The following PTPRQ variants were observed in gnomAD, a reference collection of about 807,000 sequenced individuals.
The protein encoded by PTPRQ is protein tyrosine phosphatase receptor type Q.
In PTPRQ, 199 loss-of-function variants were observed where a neutral mutation model predicts 246.0. The observed-to-expected ratio is 0.81, with a 90% CI of 0.72 to 0.91. PTPRQ has a LOEUF of 0.91. Among genes scored for constraint, PTPRQ ranks in the 40% least tolerant of loss-of-function variants. The pLI, the probability that PTPRQ is intolerant of heterozygous loss-of-function variation, is 0.00. For synonymous variants in PTPRQ, 869 were observed against 853.2 expected (o/e 1.02, Z -0.32); for missense variants, 2,624 against 2,528.4 (o/e 1.04, Z -0.81).
At chr12:80,565,490 C>T (rs1224340523) in intron 25 of PTPRQ, among the ~76,000 whole-genome samples, 1 of 152,146 alleles carries the variant, frequency 6.6e-6, no homozygotes, top group Non-Finnish European at 1.5e-5. Flanking sequence ...AACCTCCTCC[C>T]CTATTTTTTT....
intron 8 of PTPRQ, among the ~76,000 whole-genome samples, chr12:80,477,787 G>C (rs1321277897): frequency 6.6e-6 from 1 of 152,106 alleles, no homozygotes; most frequent in East Asian, 1.9e-4. Flanking sequence ...CTGGAAAATC[G>C]GGTCACTCCG....
In PTPRQ at chr12:80,540,029, T is replaced by C. The variant is rs1043456777; in HGVS notation, c.3154+85T>C. Reference sequence around the variant, plus strand: ...AAATTTTACTATTTGTTTGAATTTGTAATAACATCTTTTATTTAGACACGT... The same window carrying C: ...AAATTTTACTATTTGTTTGAATTTGCAATAACATCTTTTATTTAGACACGT... On this transcript the variant is annotated intron_variant, in intron 20 of 44. Transcript: ENST00000644991. The C allele has an allele frequency of 5.2e-6, 6 of 1,157,526 alleles. No individual in the cohort carries two copies. In the African/African-American group the frequency reaches 8.1e-5, roughly 16 times the overall value. The allele number at this position is 1,157,526 out of a possible 1,614,324, so 71.7% of individuals were successfully genotyped here.
intron 43 of PTPRQ, among the ~76,000 whole-genome samples, chr12:80,674,178 G>A (rs1729510596): frequency 1.3e-5 from 2 of 152,086 alleles, no homozygotes; most frequent in Non-Finnish European, 2.9e-5. Flanking sequence ...ATTGGAATTT[G>A]TATGTTACAC....
At chr12:80,644,103 G>A (rs1257648655) in intron 35 of PTPRQ, among the ~76,000 whole-genome samples, 1 of 152,116 alleles carries the variant, frequency 6.6e-6, no homozygotes, top group Non-Finnish European at 1.5e-5. Context: ...AATTGACCTT[G>A]AGGGAAAGCT....
At chr12:80,629,369 A>G (rs1314352367) in intron 33 of PTPRQ, among the ~76,000 whole-genome samples, 4 of 152,190 alleles carry the variant, frequency 2.6e-5, no homozygotes, top group Non-Finnish European at 5.9e-5. Context: ...TATTCAGCCC[A>G]TAATATATGA....
At chr12:80,666,648 A>T (rs1900795737) in intron 39 of PTPRQ, among the ~76,000 whole-genome samples, 1 of 152,080 alleles carries the variant, frequency 6.6e-6, no homozygotes, top group East Asian at 1.9e-4. Flanking sequence ...GCATACATGT[A>T]TGAAAATTTT....
intron 37 of PTPRQ, among the ~76,000 whole-genome samples, chr12:80,651,998 C>T (rs1384044062): frequency 6.6e-6 from 1 of 151,944 alleles, no homozygotes; most frequent in Non-Finnish European, 1.5e-5. Context: ...TGTTAAAACA[C>T]ATATTTTTAG....
intron 20 of PTPRQ, among the ~76,000 whole-genome samples, chr12:80,540,586 G>T (rs1209528636): frequency 6.6e-6 from 1 of 152,022 alleles, no homozygotes; most frequent in Non-Finnish European, 1.5e-5. Flanking sequence ...TTATTGAGAA[G>T]TGGCAGTGAC....
intron 25 of PTPRQ, among the ~76,000 whole-genome samples, chr12:80,580,300 T>A (rs78273837): frequency 0.014 from 2,178 of 152,288 alleles, 29 homozygotes; most frequent in South Asian, 0.034. Context: ...GTGAATACCT[T>A]GGCAGTTAAT....
chr12:80,541,756 C>A lies in PTPRQ; in HGVS notation c.3356C>A (p.Thr1119Asn). Residue 1119 changes from threonine to asparagine, a missense_variant, in exon 21 of 45, where the codon ACT becomes AAT. Physicochemically the swap from Thr to Asn is moderately conservative, Grantham distance 65. Transcript: ENST00000644991. ...SIYFDNLEKY[T>N]DYILKITPST... ...TATTTTGATAATCTGGAAAAATACA[C>A]TGATTATATATTAAAAATTACTCCA... The A allele has an allele frequency of 6.4e-7, 1 of 1,551,110 alleles. No individual in the cohort carries two copies. Among genetic ancestry groups the A allele is most frequent in the Non-Finnish European group, 8.7e-7 (1 of 1,146,594 alleles).
At chr12:80,477,496 T>C (rs1893851079) in intron 8 of PTPRQ, among the ~76,000 whole-genome samples, 1 of 152,230 alleles carries the variant, frequency 6.6e-6, no homozygotes, top group Non-Finnish European at 1.5e-5. Context: ...TGCTCCTTAC[T>C]TACATTTCGA....
intron 16 of PTPRQ, among the ~76,000 whole-genome samples, chr12:80,509,582 A>T (rs1012493615): frequency 1.3e-5 from 2 of 152,112 alleles, no homozygotes; most frequent in Non-Finnish European, 2.9e-5. Context: ...GCAGCTGAGA[A>T]ATGTCATTCT....
At chr12:80,497,330 A>G (rs1418047536) in intron 14 of PTPRQ, among the ~76,000 whole-genome samples, 1 of 151,972 alleles carries the variant, frequency 6.6e-6, no homozygotes, top group Non-Finnish European at 1.5e-5. Context: ...AGCACACAAC[A>G]TAGATCCCTT....
intron 35 of PTPRQ, among the ~76,000 whole-genome samples, chr12:80,645,158 C>T (rs73150793): frequency 0.049 from 7,509 of 152,086 alleles, 252 homozygotes; most frequent in Middle Eastern, 0.092. Flanking sequence ...TTCCACCTCT[C>T]TTTTTCTTAA....
intron 43 of PTPRQ, among the ~76,000 whole-genome samples, chr12:80,674,216 G>T (rs1013797894): frequency 6.6e-6 from 1 of 152,044 alleles, no homozygotes; most frequent in Non-Finnish European, 1.5e-5. Context: ...CAGTAAATAC[G>T]CAGGCCTGCT....
intron 6 of PTPRQ, among the ~76,000 whole-genome samples, chr12:80,466,935 A>G (rs1475073190): frequency 6.6e-6 from 1 of 152,198 alleles, no homozygotes; most frequent in Admixed American, 6.5e-5. Flanking sequence ...ACCATTCAGG[A>G]CATAGGCATG....
At chr12:80,596,545 T>A (rs1897976233) in intron 26 of PTPRQ, among the ~76,000 whole-genome samples, 1 of 152,154 alleles carries the variant, frequency 6.6e-6, no homozygotes, top group Admixed American at 6.6e-5. Context: ...TGAATTCTCC[T>A]ATTTTCTCTG....
At chr12:80,600,166 T>A (rs1898095256) in intron 26 of PTPRQ, among the ~76,000 whole-genome samples, 1 of 151,900 alleles carries the variant, frequency 6.6e-6, no homozygotes, top group South Asian at 2.1e-4. Flanking sequence ...CTTGCTTTTT[T>A]ATAATGATTG....
intron 25 of PTPRQ, among the ~76,000 whole-genome samples, chr12:80,559,164 C>G (rs1045456373): frequency 6.6e-6 from 1 of 152,200 alleles, no homozygotes; most frequent in African/African-American, 2.4e-5. Flanking sequence ...CCTGCCCCAG[C>G]CTCCCGAGTA....
Sources: allele counts gnomAD v4.1 joint callset (sites outside exome capture counted in the v4.1 genomes callset), GRCh38; gene constraint gnomAD v4.1.1; transcripts MANE v1.5; gene names NCBI Gene and HGNC (gene_info 2026-07-23, HGNC 2026-07-21).